PUS10: variants seen among roughly 807,000 people sequenced by gnomAD.
PUS10 encodes the protein pseudouridine synthase 10, also known as tRNA pseudouridine synthase Pus10.
A neutral mutation model predicts 75.0 loss-of-function variants in PUS10; 59 were observed. That is an observed-to-expected ratio of 0.79 (90% CI 0.64 to 0.98). PUS10 has a LOEUF of 0.98. Among genes scored for constraint, PUS10 ranks in the 50% least tolerant of loss-of-function variants. PUS10 has a pLI of 0.00. For missense variants in PUS10, 650 were observed against 614.4 expected (o/e 1.06, Z -0.61); for synonymous variants, 219 against 211.6 (o/e 1.03, Z -0.30).
rs749718108 is a variant in PUS10, at chr2:60,948,136, G to A, written c.1358C>T (p.Pro453Leu). The change falls in exon 16 of 18, where the codon CCC becomes CTC. Residue 453 changes from proline (P) to leucine (L), a missense_variant. Pro to Leu is a moderately conservative substitution (Grantham distance 98). Coordinates refer to ENST00000316752, the MANE Select transcript of PUS10 (RefSeq NM_144709.4). ...AATGACGCGAGCTCGCACAGCCAGG[G>A]GCCTTCGGTGAAGGACGCGCAAAGG... ...KTPLRVLHRR[P>L]LAVRARVIHF... 6 of 1,614,086 alleles carry A rather than the reference G, an allele frequency of 3.7e-6. No homozygotes were observed. Among genetic ancestry groups the A allele is most frequent in the South Asian group, 1.1e-5 (1 of 91,084 alleles).
chr2:60,992,117 T>C (rs1397405853), intron 4 of PUS10, among the ~76,000 whole-genome samples: 1 of 151,890 alleles, frequency 6.6e-6, no homozygotes, highest in South Asian at 2.1e-4. Flanking sequence ...GTTCAAGCGA[T>C]TCTCCTGCCT....
rs76951521 is a variant in PUS10, at chr2:61,006,519, C to T, written c.468+38G>A. 4.0e-3 allele frequency: 5,419 copies of T among 1,366,204 alleles called. 177 individuals carry two copies. The African/African-American group carries it at 0.069, about 17-fold the overall frequency. 84.6% of individuals were successfully genotyped at this position (1,366,204 alleles called of 1,614,324 possible). ...CATTTTTTGAGAAATTCCTAGCATGCACTTCACATACAGTTTTATGCATGC... is the reference window on the plus strand; with the variant it reads ...CATTTTTTGAGAAATTCCTAGCATGTACTTCACATACAGTTTTATGCATGC... On this transcript the variant is annotated intron_variant, in intron 4 of 17. Transcript: ENST00000316752.
intron 4 of PUS10, among the ~76,000 whole-genome samples, chr2:61,000,789 G>A (rs1678801406): frequency 6.6e-6 from 1 of 152,102 alleles, no homozygotes; most frequent in African/African-American, 2.4e-5. Flanking sequence ...CGCTAAGCTT[G>A]TGGGAGATAT....
At position 61,011,789 on chromosome 2, in the gene PUS10, A is replaced by G; in HGVS notation, c.102T>C (p.His34=). The change falls in exon 2 of 18, where the codon CAT becomes CAC. Residue 34 remains histidine, a synonymous_variant. Coordinates refer to ENST00000316752, the MANE Select transcript of PUS10 (RefSeq NM_144709.4). ...CIFRFCGVDF[H]APYKLPYKEL... ...CCTTGTATGGAAGTTTGTAAGGTGC[A>G]TGAAAATCCACACCACAGAATCTGA... is the stretch of plus-strand genomic sequence containing the variant. 9 of 1,605,158 alleles carry G rather than the reference A, an allele frequency of 5.6e-6. No individual in the cohort carries two copies. The highest frequency in any genetic ancestry group is 6.8e-6 in the Non-Finnish European group (8 of 1,175,932).
At chr2:60,986,221 T>C (rs1677716550) in intron 4 of PUS10, among the ~76,000 whole-genome samples, 1 of 152,242 alleles carries the variant, frequency 6.6e-6, no homozygotes, top group African/African-American at 2.4e-5. Context: ...AATTTGGTTT[T>C]ATCTATTCAT....
At chr2:60,944,849 T>C (rs1332683586) in intron 17 of PUS10, among the ~76,000 whole-genome samples, 160 bp downstream of exon 17, 1 of 151,836 alleles carries the variant, frequency 6.6e-6, no homozygotes, top group African/African-American at 2.4e-5. Flanking sequence ...AAAAAAAAAA[T>C]CCGAAGACAG....
chr2:60,955,481 C>T (rs571239974), intron 11 of PUS10, among the ~76,000 whole-genome samples: 1 of 152,050 alleles, frequency 6.6e-6, no homozygotes. Flanking sequence ...AAGTGCACAC[C>T]AGCACACCTG....
At chr2:60,960,720 T>C (rs1242436679) in intron 10 of PUS10, among the ~76,000 whole-genome samples, 1 of 151,170 alleles carries the variant, frequency 6.6e-6, no homozygotes, top group African/African-American at 2.4e-5. Context: ...AAAGTAACAA[T>C]AAAATAGATG....
Position 60,945,089 on chromosome 2 carries a change from G to A in PUS10, c.1471C>T (p.His491Tyr), listed in dbSNP as rs186143186. Residue 491 changes from histidine to tyrosine, a missense_variant, in exon 17 of 18, where the codon CAT becomes TAT. Coordinates refer to ENST00000316752, the MANE Select transcript of PUS10 (RefSeq NM_144709.4). ...QAGTYIKEFV[H>Y]GDFGRTKPNI... The stretch of plus-strand genomic sequence containing the variant: ...GGCTTGGTTCTCCCGAAGTCTCCAT[G>A]TACAAACTCTTTAATGTAGCTGGGG... The A allele has an allele frequency of 7.4e-6, 12 of 1,613,166 alleles. No homozygotes were observed. The East Asian group carries it at 1.8e-4, about 24-fold the overall frequency.
chr2:60,999,377 G>A (rs1558974451), intron 4 of PUS10, among the ~76,000 whole-genome samples: 1 of 152,214 alleles, frequency 6.6e-6, no homozygotes, highest in East Asian at 1.9e-4. Context: ...CACTTTGGGA[G>A]GCCACACCAG....
At chr2:60,987,693 C>T (rs1677808330) in intron 4 of PUS10, among the ~76,000 whole-genome samples, 1 of 152,100 alleles carries the variant, frequency 6.6e-6, no homozygotes, top group African/African-American at 2.4e-5. Context: ...GATGCTGAAG[C>T]GGGCAGATCA....
rs755100055 is a variant in PUS10 at position 60,967,551 on chromosome 2, A to G, written c.566T>C (p.Ile189Thr). ...IVQLKEAYKW[I>T]THPLFSEELG... ...TTCCTCTGAAAACAGGGGGTGAGTTATCCATTTGTAGGCTTCTTTTAGCTG... is the reference window on the plus strand; with the variant it reads ...TTCCTCTGAAAACAGGGGGTGAGTTGTCCATTTGTAGGCTTCTTTTAGCTG... Residue 189 changes from isoleucine to threonine, a missense_variant, in exon 6 of 18, where the codon ATA (isoleucine) becomes ACA (threonine). Coordinates refer to ENST00000316752, the MANE Select transcript of PUS10 (RefSeq NM_144709.4). The G allele has an allele frequency of 6.2e-6, 10 of 1,609,828 alleles. No homozygotes were observed. The Admixed American group carries it at 1.5e-4, about 24-fold the overall frequency.
intron 4 of PUS10, among the ~76,000 whole-genome samples, chr2:61,001,210 CA>C (rs1678832483): frequency 6.6e-6 from 1 of 152,070 alleles, no homozygotes. Context: ...TCTTCCTTAG[CA>C]ATTCTTGAAA....
chr2:60,960,317 C>T (rs1025564107), intron 11 of PUS10, 75 bp downstream of exon 11: 13 of 1,172,624 alleles, frequency 1.1e-5, no homozygotes, highest in Non-Finnish European at 5.7e-6. Context: ...GCAATCTAGC[C>T]TAGTTGACAA....
chr2:60,983,815 CATT>C (rs1304719598), intron 4 of PUS10, among the ~76,000 whole-genome samples: 4 of 151,952 alleles, frequency 2.6e-5, no homozygotes, highest in East Asian at 1.9e-4. Context: ...ACAAAACTAT[CATT>C]ATTTGCAAAT....
intron 4 of PUS10, among the ~76,000 whole-genome samples, chr2:60,995,705 A>G (rs900283874): frequency 6.6e-6 from 1 of 152,264 alleles, no homozygotes; most frequent in Non-Finnish European, 1.5e-5. Flanking sequence ...CATTTTAAAG[A>G]AAAAGGATGT....
intron 4 of PUS10, among the ~76,000 whole-genome samples, chr2:61,005,606 G>A (rs188004714): frequency 6.6e-6 from 1 of 152,178 alleles, no homozygotes; most frequent in African/African-American, 2.4e-5. Flanking sequence ...CCAGAAGATG[G>A]CACATCAGTG....
intron 4 of PUS10, among the ~76,000 whole-genome samples, chr2:61,002,827 T>G (rs1487117767): frequency 6.6e-6 from 1 of 152,256 alleles, no homozygotes; most frequent in African/African-American, 2.4e-5. Context: ...TATGCCATTA[T>G]AGACTTTGGA....
intron 5 of PUS10, among the ~76,000 whole-genome samples, chr2:60,971,044 G>A (rs1234203810): frequency 1.3e-5 from 2 of 152,080 alleles, no homozygotes; most frequent in East Asian, 3.9e-4. Context: ...GCCAGGCATG[G>A]TGGCAGGCTC....
Sources: gnomAD v4.1 joint callset for allele counts (sites outside exome capture counted in the v4.1 genomes callset) on GRCh38, gnomAD v4.1.1 for gene constraint, MANE v1.5 for transcripts, NCBI Gene and HGNC (gene_info 2026-07-23, HGNC 2026-07-21) for gene names.